TNRC18: variants seen among roughly 807,000 people sequenced by gnomAD.
TNRC18 encodes the protein trinucleotide repeat containing 18, also known as trinucleotide repeat-containing gene 18 protein.
Under a neutral mutation model 226.7 loss-of-function variants are expected in TNRC18, and 69 were observed. The ratio of observed to expected loss-of-function variants is 0.30; its 90% CI spans 0.25 to 0.37. The LOEUF (loss-of-function observed/expected upper bound fraction) is 0.37, where lower values mean the gene tolerates loss of function less well. Ranked by LOEUF, TNRC18 falls within the 10% of genes least tolerant of loss-of-function variation. The pLI, the probability that TNRC18 is intolerant of heterozygous loss-of-function variation, is 1.00. For synonymous variants in TNRC18, 2,449 were observed against 1,927.6 expected (o/e 1.27, Z -7.09); for missense variants, 4,754 against 4,256.6 (o/e 1.12, Z -3.25).
rs761698109 is a variant in TNRC18, at chr7:5,387,747, CCTT to C, written c.2074_2076del (p.Lys692del). On this transcript the variant is annotated inframe_deletion, in exon 5 of 30. Transcript: ENST00000430969. Reference sequence around the variant, plus strand: ...CCCAGCCGGCCACTGCCGCCACTGTCCTTCTGCCGGGCCACAGCCACTGCAATG... The same window carrying C: ...CCCAGCCGGCCACTGCCGCCACTGTCCTGCCGGGCCACAGCCACTGCAATG... 16 of 1,607,408 alleles carry C rather than the reference CCTT, an allele frequency of 1.0e-5. No homozygotes were observed. Among genetic ancestry groups the C allele is most frequent in the Non-Finnish European group, 1.3e-5 (15 of 1,179,828 alleles).
intron 8 of TNRC18, among the ~76,000 whole-genome samples, chr7:5,376,511 T>C (rs1794694506): frequency 6.6e-6 from 1 of 152,170 alleles, no homozygotes; most frequent in Non-Finnish European, 1.5e-5. Context: ...CGAGGACCAC[T>C]GTGAGGACCT....
At position 5,312,484 on chromosome 7, in the gene TNRC18, C is replaced by G; in HGVS notation, c.8388+19G>C. 2 of 1,607,948 alleles carry G rather than the reference C, an allele frequency of 1.2e-6. No homozygotes were observed. The highest frequency in any genetic ancestry group is 1.7e-6 in the Non-Finnish European group (2 of 1,178,468). ...AGGCCCCCGGCCCCTCGGCCGTGCC[C>G]GGGCGCGAGCTTGCTCACCTGGGTG... is the stretch of plus-strand genomic sequence containing the variant. On this transcript the variant is annotated intron_variant, in intron 27 of 29. Transcript: ENST00000430969. The surrounding 1 kb of genome is among the most constrained non-coding windows in gnomAD (Gnocchi z 6.3).
intron 22 of TNRC18, 117 bp from the exon 23 acceptor site, chr7:5,320,724 G>C: frequency 2.3e-6 from 2 of 853,422 alleles, no homozygotes; most frequent in East Asian, 2.7e-5. Context: ...GGACTCAGAG[G>C]TTTGCTGACT....
At chr7:5,351,504 G>C (rs937550984) in intron 17 of TNRC18, among the ~76,000 whole-genome samples, 10 of 151,010 alleles carry the variant, frequency 6.6e-5, no homozygotes, top group African/African-American at 2.4e-4. Context: ...ACTCGGGGGA[G>C]GGGGAGGAGG....
chr7:5,368,381 G>A (rs1479295767), intron 11 of TNRC18, among the ~76,000 whole-genome samples: 4 of 151,782 alleles, frequency 2.6e-5, no homozygotes, highest in African/African-American at 9.7e-5. Flanking sequence ...TAAGTAAAGT[G>A]TCCGGGCGCG....
intron 24 of TNRC18, chr7:5,320,041 T>G: frequency 2.6e-6 from 1 of 380,674 alleles, no homozygotes; most frequent in Non-Finnish European, 5.0e-6. Context: ...AATCCTCCAA[T>G]GATAAGAGTT....
At chr7:5,319,926 C>G (rs1167767808) in intron 24 of TNRC18, among the ~76,000 whole-genome samples, 2 of 152,252 alleles carry the variant, frequency 1.3e-5, no homozygotes, top group African/African-American at 4.8e-5. Flanking sequence ...GGATGAGAAT[C>G]TGACCCAGGC....
intron 18 of TNRC18, among the ~76,000 whole-genome samples, chr7:5,334,358 G>A (rs535419341): frequency 4.6e-5 from 7 of 151,778 alleles, no homozygotes; most frequent in African/African-American, 1.7e-4. Context: ...GTGCAGTGGC[G>A]TGATCTCGGC....
At chr7:5,342,867 G>A (rs887160286) in intron 18 of TNRC18, among the ~76,000 whole-genome samples, 1 of 152,114 alleles carries the variant, frequency 6.6e-6, no homozygotes, top group African/African-American at 2.4e-5. Context: ...AAACTTCACT[G>A]TTGTCTTATT....
In TNRC18 at chr7:5,408,340, G is replaced by T. The variant is rs543486076; in HGVS notation, c.187+12720C>A. ...AATGGAACGAAAGCAAAATAGGAGA[G>T]AAGTGGAAAGGAGGAAACATCCCCC... is the stretch of plus-strand genomic sequence containing the variant. On this transcript the variant is annotated intron_variant, in intron 2 of 29. Transcript: ENST00000430969. 3.3e-5 allele frequency among the ~76,000 whole-genome samples: 5 copies of T among 150,504 alleles called. No homozygotes were observed. In the South Asian group the frequency reaches 8.5e-4, roughly 25 times the overall value.
At chr7:5,336,206 TAAA>T (rs1194733009) in intron 18 of TNRC18, among the ~76,000 whole-genome samples, 1 of 120,268 alleles carries the variant, frequency 8.3e-6, no homozygotes, top group Admixed American at 8.9e-5. Context: ...GACTCTGTTT[TAAA>T]AAAAAAAAAA....
At chr7:5,334,726 C>A (rs948117121) in intron 18 of TNRC18, among the ~76,000 whole-genome samples, 6 of 151,224 alleles carry the variant, frequency 4.0e-5, no homozygotes, top group African/African-American at 9.8e-5. Context: ...CCGTAACAGT[C>A]CCCCCAGAGA....
intron 11 of TNRC18, 93 bp from the exon 12 acceptor site, chr7:5,362,918 G>GGCCACAC: frequency 1.5e-6 from 2 of 1,309,782 alleles, no homozygotes; most frequent in Non-Finnish European, 2.0e-6. Context: ...GCAGGCCCCA[G>GGCCACAC]GCCACACGTG....
At chr7:5,410,310 CAAAAAAA>C (rs1157425008) in intron 2 of TNRC18, among the ~76,000 whole-genome samples, 43 of 66,220 alleles carry the variant, frequency 6.5e-4, no homozygotes, top group Non-Finnish European at 1.5e-3. Flanking sequence ...GACTCTGTCT[CAAAAAAA>C]AAAAAAAAAA....
chr7:5,376,735 A>G (rs1014886014), intron 8 of TNRC18, 112 bp downstream of exon 8: 8 of 1,340,982 alleles, frequency 6.0e-6, no homozygotes, highest in South Asian at 1.4e-5. Flanking sequence ...CCGCCTCCCC[A>G]GCCCCAGATC....
chr7:5,417,921 G>A (rs536581385), intron 2 of TNRC18, among the ~76,000 whole-genome samples: 2 of 152,302 alleles, frequency 1.3e-5, no homozygotes, highest in East Asian at 1.9e-4. Flanking sequence ...AGACCCTGGA[G>A]AAGGCCCGTG....
At chr7:5,376,802 C>A in intron 8 of TNRC18, 45 bp downstream of exon 8, 3 of 1,591,954 alleles carry the variant, frequency 1.9e-6, no homozygotes, top group Non-Finnish European at 2.6e-6. Flanking sequence ...TCTCGCTGGG[C>A]ATGGCCAGTC....
intron 2 of TNRC18, among the ~76,000 whole-genome samples, chr7:5,396,267 G>C (rs1404265915): frequency 6.6e-6 from 1 of 151,906 alleles, no homozygotes; most frequent in East Asian, 1.9e-4. Flanking sequence ...AGAATCACTT[G>C]AACCCAGGAG....
rs180705972 is a variant in TNRC18 at position 5,370,547 on chromosome 7, C to A, written c.4047G>T (p.Ala1349=). The A allele has an allele frequency of 6.2e-7, 1 of 1,607,602 alleles. No homozygotes were observed. The highest frequency in any genetic ancestry group is 1.7e-5 in the Admixed American group (1 of 58,992). Residue 1349 remains alanine, a synonymous_variant, in exon 11 of 30, where the codon GCG becomes GCT. Coordinates refer to ENST00000430969, the MANE Select transcript of TNRC18 (RefSeq NM_001080495.3). ...LAGMNALAAA[A]ELPQARPLPS... ...GCAGAGGCCTGGCCTGGGGCAGCTC[C>A]GCAGCTGCCGCCAGGGCGTTCATGC...
Sources: gnomAD v4.1 joint callset for allele counts (sites outside exome capture counted in the v4.1 genomes callset) on GRCh38, gnomAD v4.1.1 for gene constraint, Gnocchi (gnomAD v3.1) non-coding constraint, MANE v1.5 for transcripts, NCBI Gene and HGNC (gene_info 2026-07-23, HGNC 2026-07-21) for gene names.